RNF207: variants seen among roughly 807,000 people sequenced by gnomAD.
RNF207 encodes the protein ring finger protein 207.
Under a neutral mutation model 79.0 loss-of-function variants are expected in RNF207, and 72 were observed. That is an observed-to-expected ratio of 0.91 (90% CI 0.75 to 1.11). RNF207 has a LOEUF of 1.11. RNF207 is among the 50% of genes least tolerant of loss of function. The pLI, the probability that RNF207 is intolerant of heterozygous loss-of-function variation, is 0.00. For synonymous variants in RNF207, 348 were observed against 366.2 expected, an observed-to-expected ratio of 0.95 and a Z score of 0.57; for missense variants, 936 against 855.8, an observed-to-expected ratio of 1.09 and a Z score of -1.17.
In RNF207 at chr1:6,207,421, G is replaced by T; in HGVS notation, c.234G>T (p.Val78=). The change falls in exon 3 of 18, where the codon GTG becomes GTT. Residue 78 remains valine (V), a synonymous_variant. Transcript: ENST00000377939. The surrounding 1 kb of genome is among the most constrained non-coding windows in gnomAD (Gnocchi z 4.5). ...VLKGPSGLPP[V]DRLLQFLVDS... is the part of the protein sequence containing the mutation. ...AGGGTCCCAGCGGGCTCCCGCCGGTGGACCGGCTGCTGCAGTTCCTGGTGG... is the reference window on the plus strand; with the variant it reads ...AGGGTCCCAGCGGGCTCCCGCCGGTTGACCGGCTGCTGCAGTTCCTGGTGG... The T allele has an allele frequency of 6.4e-7, 1 of 1,552,904 alleles. No homozygotes were observed. Among genetic ancestry groups the T allele is most frequent in the Non-Finnish European group, 8.7e-7 (1 of 1,147,308 alleles).
rs1179781227 is a variant in RNF207 at position 6,211,447 on chromosome 1, T to G, written c.1109+329T>G. On this transcript the variant is annotated intron_variant, in intron 12 of 17. Coordinates refer to ENST00000377939, the MANE Select transcript of RNF207 (RefSeq NM_207396.3). This position sits in a 1 kb window ranked among gnomAD's most constrained non-coding sequence, Gnocchi z 4.2. ...GCCTGGGGCTGGGCTGACCGCCACC[T>G]AGGTGGCCTGAGGTCATAGGGGGCC... 6.6e-6 allele frequency among the ~76,000 whole-genome samples: 1 copy of G among 152,086 alleles called. No homozygotes were observed. The highest frequency in any genetic ancestry group is 1.5e-5 in the Non-Finnish European group (1 of 67,982).
intron 9 of RNF207, 32 bp from the exon 10 acceptor site, chr1:6,210,338 G>A (rs769561399): frequency 1.1e-5 from 17 of 1,612,988 alleles, no homozygotes; most frequent in Admixed American, 3.3e-5. Context: ...CCTCCTCCCC[G>A]GCCAGGCACT....
At chr1:6,206,860 A>G in intron 2 of RNF207, 134 bp downstream of exon 2, 1 of 688,754 alleles carries the variant, frequency 1.5e-6, no homozygotes, top group South Asian at 1.9e-5. Context: ...GAGATACTGC[A>G]CCCGGTCCTT....
intron 13 of RNF207, 21 bp downstream of exon 13, chr1:6,212,074 C>A (rs751944331): frequency 1.9e-6 from 3 of 1,558,798 alleles, no homozygotes; most frequent in Non-Finnish European, 1.7e-6. Flanking sequence ...AGGGATCTGC[C>A]GGAGGGGGGA....
In RNF207 at chr1:6,213,105, C is replaced by A. The variant is rs1668238677; in HGVS notation, c.1574C>A (p.Ala525Asp). 6.2e-7 allele frequency: 1 copy of A among 1,613,274 alleles called. No homozygotes were observed. Among genetic ancestry groups the A allele is most frequent in the Non-Finnish European group, 8.5e-7 (1 of 1,179,718 alleles). Residue 525 changes from alanine to aspartate, a missense_variant, in exon 16 of 18, where the codon GCC becomes GAC. Physicochemically the swap from Ala to Asp is moderately radical, Grantham distance 126. Coordinates refer to ENST00000377939, the MANE Select transcript of RNF207 (RefSeq NM_207396.3). ...CTTCTCCAGCTGAGGCAGGAGAATG[C>A]CTACCTGACCACCATCACCAAGCAG... ...HDLLQLRQEN[A>D]YLTTITKQIT...
In RNF207 at chr1:6,206,649, G is replaced by T; in HGVS notation, c.114G>T (p.Leu38=). ...TGCAGTACGAGCGCCCGTGTCTTCT[G>T]GACTGTTTCCACGACTTCTGTGCCG... The part of the protein sequence containing the change: ...CHVQYERPCL[L]DCFHDFCAGC... Residue 38 remains leucine, a synonymous_variant, in exon 2 of 18, where the codon CTG becomes CTT. Transcript: ENST00000377939. 2.5e-6 allele frequency: 4 copies of T among 1,608,084 alleles called. No individual in the cohort carries two copies. The highest frequency in any genetic ancestry group is 3.4e-6 in the Non-Finnish European group (4 of 1,179,850).
Position 6,207,458 on chromosome 1 carries a change from G to A in RNF207, c.271G>A (p.Asp91Asn). 3 of 1,584,692 alleles carry A rather than the reference G, an allele frequency of 1.9e-6. No individual in the cohort carries two copies. The highest frequency in any genetic ancestry group is 2.6e-6 in the Non-Finnish European group (3 of 1,163,970). Reference sequence around the variant, plus strand: ...GCAGTTCCTGGTGGACAGCTCAGGGGATGGCGTGGAGGCGGTGCGCTGTGC... The same window carrying A: ...GCAGTTCCTGGTGGACAGCTCAGGGAATGGCGTGGAGGCGGTGCGCTGTGC... ...LLQFLVDSSG[D>N]GVEAVRCANC... Residue 91 changes from aspartate (D) to asparagine (N), a missense_variant, in exon 3 of 18, where the codon GAT becomes AAT. Asp to Asn is a conservative substitution (Grantham distance 23). Transcript: ENST00000377939. The surrounding 1 kb of genome is among the most constrained non-coding windows in gnomAD (Gnocchi z 4.5).
rs1007972952 is a variant in RNF207 at position 6,219,599 on chromosome 1, T to A, written c.*192T>A. ...CCTCTGCCTCCTGGGTTCAAGCGAT[T>A]CTCCTGCCTCAGCCTCCCGAGTAGC... is the stretch of plus-strand genomic sequence containing the variant. On this transcript the variant is annotated 3_prime_UTR_variant, in exon 18 of 18. Transcript: ENST00000377939. 5 of 349,536 alleles carry A rather than the reference T, an allele frequency of 1.4e-5. No homozygotes were observed. The highest frequency in any genetic ancestry group is 2.7e-5 in the Non-Finnish European group (5 of 188,058). 21.7% of individuals were successfully genotyped at this position (349,536 alleles called of 1,614,324 possible). A position where few individuals can be genotyped will look rare whatever the true frequency, so the allele number is the denominator to read the frequency against.
chr1:6,209,975 G>T lies in RNF207; in HGVS notation c.800+5G>T. 1 of 1,584,182 alleles carries T rather than the reference G, an allele frequency of 6.3e-7. No individual in the cohort carries two copies. The highest frequency in any genetic ancestry group is 8.6e-7 in the Non-Finnish European group (1 of 1,164,282). On this transcript the variant is annotated splice_donor_5th_base_variant and intron_variant, in intron 8 of 17. Coordinates refer to ENST00000377939, the MANE Select transcript of RNF207 (RefSeq NM_207396.3). ...GCTGCTGCAGGCTGTGCAGAGGTGAGTTGGGGGGAGCGGGGCTTGCTTCCC... is the reference window on the plus strand; with the variant it reads ...GCTGCTGCAGGCTGTGCAGAGGTGATTTGGGGGGAGCGGGGCTTGCTTCCC...
chr1:6,213,242 T>A, intron 16 of RNF207, 59 bp downstream of exon 16: 1 of 1,124,756 alleles, frequency 8.9e-7, no homozygotes, highest in Non-Finnish European at 1.3e-6. Flanking sequence ...GCATGGGGGC[T>A]GGGTGCGGTG....
At chr1:6,208,585 G>A in intron 3 of RNF207, 1 of 404,760 alleles carries the variant, frequency 2.5e-6, no homozygotes, top group Non-Finnish European at 4.4e-6. Flanking sequence ...GGGATTACAG[G>A]CGTGAGCCAC....
At chr1:6,219,172 T>C (rs1571217267) in intron 17 of RNF207, 64 bp from the exon 18 acceptor site, 1 of 1,457,838 alleles carries the variant, frequency 6.9e-7, no homozygotes, top group Non-Finnish European at 9.2e-7. Flanking sequence ...CCCAAGTGGA[T>C]TTTAGTGCAG....
At position 6,220,291 on chromosome 1, in the gene RNF207, C is replaced by A. The variant is rs1278379501; in HGVS notation, c.*884C>A. On this transcript the variant is annotated 3_prime_UTR_variant, in exon 18 of 18. Transcript: ENST00000377939. ...AAAACATCAGGGAGTGACAATCCAG[C>A]AAGAAATCCCTCGCTAGTTCCACAC... 6.6e-6 allele frequency: 1 copy of A among 152,218 alleles called. No homozygotes were observed. The highest frequency in any genetic ancestry group is 1.5e-5 in the Non-Finnish European group (1 of 68,054). 9.4% of individuals were successfully genotyped at this position (152,218 alleles called of 1,614,324 possible).
rs934791929 is a variant in RNF207, at chr1:6,221,295, A to C, written c.*1888A>C. 1 of 152,660 alleles carries C rather than the reference A, an allele frequency of 6.6e-6. No homozygotes were observed. Among genetic ancestry groups the C allele is most frequent in the Non-Finnish European group, 1.5e-5 (1 of 68,042 alleles). 9.5% of individuals were successfully genotyped at this position (152,660 alleles called of 1,614,324 possible). On this transcript the variant is annotated 3_prime_UTR_variant, in exon 18 of 18. Coordinates refer to ENST00000377939, the MANE Select transcript of RNF207 (RefSeq NM_207396.3). ...ATATTTAAATAAACATTTATGTAAA[A>C]AGAAGAGTAGAATAATTACTCCGTT...
chr1:6,207,369 T>C lies in RNF207; in HGVS notation c.192-10T>C. ...GGTATCAGAATCTCGGGGCCTGGGCTTCTCTGCAGACACCAGACGGTGCTG... is the reference window on the plus strand; with the variant it reads ...GGTATCAGAATCTCGGGGCCTGGGCCTCTCTGCAGACACCAGACGGTGCTG... On this transcript the variant is annotated splice_polypyrimidine_tract_variant and intron_variant, in intron 2 of 17. Coordinates refer to ENST00000377939, the MANE Select transcript of RNF207 (RefSeq NM_207396.3). The surrounding 1 kb of genome is among the most constrained non-coding windows in gnomAD (Gnocchi z 4.5). The C allele has an allele frequency of 2.7e-6, 4 of 1,501,696 alleles. No homozygotes were observed. Among genetic ancestry groups the C allele is most frequent in the Non-Finnish European group, 2.7e-6 (3 of 1,125,308 alleles). 93.0% of individuals were successfully genotyped at this position (1,501,696 alleles called of 1,614,324 possible).
intron 10 of RNF207, 80 bp from the exon 11 acceptor site, chr1:6,210,790 G>A (rs879876080): frequency 4.3e-5 from 55 of 1,273,166 alleles, no homozygotes; most frequent in Non-Finnish European, 5.2e-5. Flanking sequence ...AAAGACAGAC[G>A]TGCTCCGCCT....
chr1:6,216,974 A>G (rs977501718), intron 16 of RNF207, among the ~76,000 whole-genome samples: 5 of 151,360 alleles, frequency 3.3e-5, no homozygotes, highest in African/African-American at 4.9e-5. Flanking sequence ...GGCTCAATCA[A>G]TCCTCCCACC....
At position 6,212,489 on chromosome 1, in the gene RNF207, G is replaced by A. The variant is rs377661549; in HGVS notation, c.1482+73G>A. On this transcript the variant is annotated intron_variant, in intron 14 of 17. Coordinates refer to ENST00000377939, the MANE Select transcript of RNF207 (RefSeq NM_207396.3). ...CCTGGGCTACCCTAAGACAGTAAGC[G>A]GGGAAAGAGGACCTGGCCTGTACCC... 33 of 1,433,970 alleles carry A rather than the reference G, an allele frequency of 2.3e-5. No homozygotes were observed. The East Asian group carries it at 6.2e-4, about 27-fold the overall frequency. The allele number at this position is 1,433,970 out of a possible 1,614,324, so 88.8% of individuals were successfully genotyped here.
intron 3 of RNF207, 163 bp from the exon 4 acceptor site, chr1:6,208,718 G>A (rs1668016470): frequency 1.5e-6 from 1 of 676,234 alleles, no homozygotes; most frequent in African/African-American, 1.9e-5. Flanking sequence ...CTGTAAAGTG[G>A]GTATATCAGA....
Sources: gnomAD v4.1 joint callset for allele counts (sites outside exome capture counted in the v4.1 genomes callset) on GRCh38, gnomAD v4.1.1 for gene constraint, Gnocchi (gnomAD v3.1) non-coding constraint, MANE v1.5 for transcripts, NCBI Gene and HGNC (gene_info 2026-07-23, HGNC 2026-07-21) for gene names.